FHIT: variants seen among roughly 807,000 people sequenced by gnomAD.
The protein encoded by FHIT is fragile histidine triad diadenosine triphosphatase.
A neutral mutation model predicts 17.9 loss-of-function variants in FHIT; 19 were observed. That is an observed-to-expected ratio of 1.06 (90% CI 0.74 to 1.56). FHIT has a LOEUF of 1.56. Among genes scored for constraint, FHIT ranks in the 40% most tolerant of loss-of-function variants. FHIT has a pLI of 0.00. For missense variants in FHIT, 248 were observed against 189.2 expected (o/e 1.31, Z -1.82); for synonymous variants, 81 against 69.7 (o/e 1.16, Z -0.81).
intron 4 of FHIT, among the ~76,000 whole-genome samples, chr3:60,728,966 T>A (rs2041973194): frequency 6.6e-6 from 1 of 152,208 alleles, no homozygotes; most frequent in African/African-American, 2.4e-5. Context: ...CAAAACCAGA[T>A]GCTCCTTTAA....
Position 61,063,648 on chromosome 3 carries a change from C to T in FHIT, c.-163-21549G>A, listed in dbSNP as rs182299240. ...TCACAAACACAAATGAATATGGGGG[C>T]CAGGACGTTAACATACATGAGTAAA... On this transcript the variant is annotated intron_variant, in intron 2 of 9. Coordinates refer to ENST00000492590, the MANE Select transcript of FHIT (RefSeq NM_002012.4). Among the ~76,000 whole-genome samples the T allele has an allele frequency of 3.3e-5, 5 of 152,106 alleles. No homozygotes were observed. In the East Asian group the frequency reaches 9.7e-4, roughly 29 times the overall value.
At chr3:60,093,356 C>G (rs926458050) in intron 5 of FHIT, among the ~76,000 whole-genome samples, 9 of 152,170 alleles carry the variant, frequency 5.9e-5, no homozygotes, top group Non-Finnish European at 4.4e-5. Context: ...TCACATCACT[C>G]TGACCTGCTT....
At chr3:60,213,718 G>T (rs1041980477) in intron 5 of FHIT, among the ~76,000 whole-genome samples, 1 of 152,110 alleles carries the variant, frequency 6.6e-6, no homozygotes, top group South Asian at 2.1e-4. Context: ...TTTTATTGTA[G>T]ACATCATCAG....
intron 5 of FHIT, among the ~76,000 whole-genome samples, chr3:60,285,228 T>G (rs726693): frequency 0.26 from 40,058 of 151,912 alleles, 6,109 homozygotes; most frequent in East Asian, 0.71. Context: ...TAGAAAGTAG[T>G]ATTTTTCACT....
chr3:60,857,146 TAATTTA>T (rs1703422189), intron 3 of FHIT, among the ~76,000 whole-genome samples: 1 of 152,168 alleles, frequency 6.6e-6, no homozygotes. Flanking sequence ...TGGCCAGGTG[TAATTTA>T]CCATTGTGTG....
chr3:60,071,591 A>C (rs1702773352), intron 5 of FHIT, among the ~76,000 whole-genome samples: 1 of 152,200 alleles, frequency 6.6e-6, no homozygotes, highest in Non-Finnish European at 1.5e-5. Context: ...GCATCTCTGG[A>C]ATAAGACTTG....
chr3:61,093,299 T>A (rs1233882003), intron 2 of FHIT, among the ~76,000 whole-genome samples: 2 of 152,094 alleles, frequency 1.3e-5, no homozygotes, highest in African/African-American at 4.8e-5. Flanking sequence ...AAGCAGTAGT[T>A]CTCAACAGGG....
intron 5 of FHIT, among the ~76,000 whole-genome samples, chr3:60,316,635 C>A (rs893024123): frequency 2.0e-5 from 3 of 152,178 alleles, no homozygotes; most frequent in Non-Finnish European, 4.4e-5. Flanking sequence ...TGCATTGCTA[C>A]AAATTTGAAT....
chr3:60,533,262 G>A (rs960159654), intron 5 of FHIT, among the ~76,000 whole-genome samples: 1 of 152,162 alleles, frequency 6.6e-6, no homozygotes, highest in Non-Finnish European at 1.5e-5. Context: ...TTGGGGATGG[G>A]AAACGGGAAA....
chr3:59,857,705 G>GTTTTTGTT (rs1553697955), intron 8 of FHIT, among the ~76,000 whole-genome samples: 2 of 115,436 alleles, frequency 1.7e-5, no homozygotes, highest in Non-Finnish European at 3.4e-5. Flanking sequence ...AAAGTGCTGG[G>GTTTTTGTT]TTTTTTTTTT....
chr3:61,234,093 A>G (rs2040170567), intron 1 of FHIT, among the ~76,000 whole-genome samples: 1 of 152,176 alleles, frequency 6.6e-6, no homozygotes, highest in Non-Finnish European at 1.5e-5. Context: ...GAAACTGAAG[A>G]CTGATGTGGT....
chr3:61,207,637 T>A (rs1008827981), intron 1 of FHIT, among the ~76,000 whole-genome samples: 2 of 152,208 alleles, frequency 1.3e-5, no homozygotes, highest in Non-Finnish European at 2.9e-5. Flanking sequence ...CTGATGGTAG[T>A]TTGTATTTCT....
At chr3:60,573,723 G>C (rs781933469) in intron 4 of FHIT, among the ~76,000 whole-genome samples, 6 of 152,158 alleles carry the variant, frequency 3.9e-5, no homozygotes, top group Non-Finnish European at 7.4e-5. Context: ...TCATCATTTG[G>C]ATTCTGACAT....
intron 4 of FHIT, among the ~76,000 whole-genome samples, chr3:60,604,402 G>A (rs1400474066): frequency 1.9e-4 from 29 of 152,154 alleles, no homozygotes; most frequent in African/African-American, 6.8e-4. Context: ...AAAGAAATCA[G>A]TAATTAGAGT....
chr3:60,236,391 A>T (rs1576349992), intron 5 of FHIT, among the ~76,000 whole-genome samples: 1 of 151,712 alleles, frequency 6.6e-6, no homozygotes, highest in Non-Finnish European at 1.5e-5. Flanking sequence ...ATGATGAATG[A>T]AGCAAGCCAA....
chr3:60,255,768 G>A (rs1705958228), intron 5 of FHIT, among the ~76,000 whole-genome samples: 1 of 152,048 alleles, frequency 6.6e-6, no homozygotes, highest in South Asian at 2.1e-4. Context: ...TATAACTGGT[G>A]TTCATGGACC....
intron 4 of FHIT, among the ~76,000 whole-genome samples, chr3:60,812,389 G>A (rs1032482462): frequency 6.6e-6 from 1 of 151,884 alleles, no homozygotes; most frequent in Admixed American, 6.6e-5. Flanking sequence ...CGAACTCCTG[G>A]CCTCAAGAAA....
At chr3:60,722,968 G>A (rs529734719) in intron 4 of FHIT, among the ~76,000 whole-genome samples, 11 of 151,926 alleles carry the variant, frequency 7.2e-5, no homozygotes, top group African/African-American at 1.5e-4. Context: ...TGATTTGCCC[G>A]CCTCGGCCTC....
Position 59,916,247 on chromosome 3 carries a change from C to G in FHIT, c.348+6099G>C, listed in dbSNP as rs184366146. ...CCCTGTGCTGGATTCTTCCTGCCCT[C>G]GAACATCGGACTCCAAGTTTTTCAG... On this transcript the variant is annotated intron_variant, in intron 8 of 9. Coordinates refer to ENST00000492590, the MANE Select transcript of FHIT (RefSeq NM_002012.4). 2.9e-3 allele frequency among the ~76,000 whole-genome samples: 437 copies of G among 152,244 alleles called. 1 individual carries two copies. Among genetic ancestry groups the G allele is most frequent in the African/African-American group, 9.8e-3 (409 of 41,544 alleles).
Sources: allele counts gnomAD v4.1 joint callset (sites outside exome capture counted in the v4.1 genomes callset), GRCh38; gene constraint gnomAD v4.1.1; transcripts MANE v1.5; gene names NCBI Gene and HGNC (gene_info 2026-07-23, HGNC 2026-07-21).